Variants in JAZF1 observed in about 807,000 individuals in gnomAD.
The protein encoded by JAZF1 is juxtaposed with another zinc finger protein 1.
JAZF1 carries 8 observed loss-of-function variants against 26.4 expected under a neutral mutation model. The observed-to-expected ratio is 0.30, with a 90% CI of 0.18 to 0.55. The LOEUF is 0.55. Among genes scored for constraint, JAZF1 ranks in the 20% least tolerant of loss-of-function variants. The probability of loss-of-function intolerance (pLI) is 0.94; values close to 1 mark genes in which losing one functional copy is unlikely to be tolerated. For synonymous variants in JAZF1, 126 were observed against 122.3 expected (o/e 1.03, Z -0.20); for missense variants, 199 against 322.0 (o/e 0.62, Z 2.92).
At chr7:27,997,555 T>A (rs1786042128) in intron 1 of JAZF1, among the ~76,000 whole-genome samples, 1 of 152,140 alleles carries the variant, frequency 6.6e-6, no homozygotes, top group African/African-American at 2.4e-5. Flanking sequence ...TCCTAGCAGC[T>A]TTTTATTGCT....
chr7:28,015,314 T>C (rs896292367), intron 1 of JAZF1, among the ~76,000 whole-genome samples: 1 of 152,072 alleles, frequency 6.6e-6, no homozygotes, highest in Non-Finnish European at 1.5e-5. Flanking sequence ...TACAGGATCC[T>C]GGAACAGAAA....
At chr7:27,913,492 G>A (rs1054856000) in intron 2 of JAZF1, 4 of 362,730 alleles carry the variant, frequency 1.1e-5, no homozygotes, top group African/African-American at 2.3e-5. Flanking sequence ...GAGACCCCAC[G>A]TGAACAGAGC....
chr7:28,064,201 G>C (rs1040739822), intron 1 of JAZF1, among the ~76,000 whole-genome samples: 4 of 151,878 alleles, frequency 2.6e-5, no homozygotes, highest in Admixed American at 6.6e-5. Context: ...GGAACATCTG[G>C]CTATATATTT....
chr7:28,168,389 A>G (rs1348222074), intron 1 of JAZF1, among the ~76,000 whole-genome samples: 4 of 150,286 alleles, frequency 2.7e-5, no homozygotes, highest in African/African-American at 9.7e-5. Context: ...TCAAAAAAAA[A>G]AAAAAAAAAA....
chr7:27,929,983 T>TC (rs1784661973), intron 2 of JAZF1, among the ~76,000 whole-genome samples: 1 of 149,706 alleles, frequency 6.7e-6, no homozygotes, highest in African/African-American at 2.5e-5. Flanking sequence ...TCCCTCCCTC[T>TC]CTCTCTCTCT....
intron 1 of JAZF1, among the ~76,000 whole-genome samples, chr7:28,092,876 G>A (rs1209356155): frequency 1.3e-5 from 2 of 150,694 alleles, no homozygotes; most frequent in African/African-American, 4.9e-5. Flanking sequence ...AAAAAAGAAA[G>A]AAAGAAAAGA....
intron 2 of JAZF1, among the ~76,000 whole-genome samples, chr7:27,931,812 T>G (rs1784692900): frequency 6.6e-6 from 1 of 151,944 alleles, no homozygotes; most frequent in African/African-American, 2.4e-5. Context: ...GAGAATTGCT[T>G]GAACCTGGGA....
intron 2 of JAZF1, among the ~76,000 whole-genome samples, chr7:27,983,087 G>A (rs1021317660): frequency 2.6e-5 from 4 of 152,226 alleles, no homozygotes; most frequent in African/African-American, 9.6e-5. Context: ...AAAGCTGGAT[G>A]GAGAATGACT....
chr7:27,903,195 C>T (rs1442789844), intron 2 of JAZF1, among the ~76,000 whole-genome samples: 1 of 152,084 alleles, frequency 6.6e-6, no homozygotes, highest in South Asian at 2.1e-4. Flanking sequence ...GCCACCTTTA[C>T]TGATTCTGCA....
intron 1 of JAZF1, among the ~76,000 whole-genome samples, chr7:28,170,423 G>C (rs191886935): frequency 2.8e-4 from 42 of 148,586 alleles, no homozygotes; most frequent in Admixed American, 2.7e-3. Context: ...ATGTGTAGAG[G>C]GTTAGGTATT....
At chr7:27,936,408 G>A (rs962992185) in intron 2 of JAZF1, among the ~76,000 whole-genome samples, 1 of 152,160 alleles carries the variant, frequency 6.6e-6, no homozygotes, top group South Asian at 2.1e-4. Context: ...TTCCTCATAC[G>A]TGTCTATACC....
Position 28,171,369 on chromosome 7 carries a change from TG to T in JAZF1, c.115+9093del, listed in dbSNP as rs143296784. Reference sequence around the variant, plus strand: ...AACCTACAGAAATTAATTTCAAAGATGTTTTTCACTGTCCAAAGTTACCTTT... The same window carrying T: ...AACCTACAGAAATTAATTTCAAAGATTTTTTCACTGTCCAAAGTTACCTTT... On this transcript the variant is annotated intron_variant, in intron 1 of 4. Transcript: ENST00000283928. Among the ~76,000 whole-genome samples, 160 of 152,350 alleles carry T rather than the reference TG, an allele frequency of 1.1e-3. 1 individual carries two copies. The highest frequency in any genetic ancestry group is 3.7e-3 in the African/African-American group (154 of 41,574).
intron 1 of JAZF1, among the ~76,000 whole-genome samples, chr7:28,039,112 T>C (rs17156245): frequency 6.6e-6 from 1 of 152,156 alleles, no homozygotes; most frequent in African/African-American, 2.4e-5. Flanking sequence ...TTGCTCTGCA[T>C]ATGGAACGTA....
chr7:28,146,329 A>C (rs980456499), intron 1 of JAZF1, among the ~76,000 whole-genome samples: 4 of 152,210 alleles, frequency 2.6e-5, no homozygotes, highest in Non-Finnish European at 5.9e-5. Flanking sequence ...ATCAGTAAGT[A>C]TTTCCATTTA....
intron 1 of JAZF1, among the ~76,000 whole-genome samples, chr7:28,017,346 T>G: frequency 6.9e-6 from 1 of 145,488 alleles, no homozygotes; most frequent in Admixed American, 6.8e-5. Flanking sequence ...GAGACTCTGT[T>G]TCAGAAAAAA....
intron 3 of JAZF1, among the ~76,000 whole-genome samples, chr7:27,858,718 C>T (rs1295415985): frequency 6.6e-6 from 1 of 152,142 alleles, no homozygotes; most frequent in Non-Finnish European, 1.5e-5. Flanking sequence ...ACACCTTATA[C>T]AAAAATTAAC....
At chr7:27,896,525 A>G (rs1262823755) in intron 2 of JAZF1, among the ~76,000 whole-genome samples, 1 of 152,210 alleles carries the variant, frequency 6.6e-6, no homozygotes, top group Non-Finnish European at 1.5e-5. Context: ...CATCAATTAT[A>G]TTTTGACTAT....
At chr7:28,156,003 G>A (rs914342922) in intron 1 of JAZF1, among the ~76,000 whole-genome samples, 4 of 152,168 alleles carry the variant, frequency 2.6e-5, no homozygotes, top group African/African-American at 9.7e-5. Flanking sequence ...ACAGTAGCTG[G>A]TATGTACATA....
intron 1 of JAZF1, among the ~76,000 whole-genome samples, chr7:28,099,328 T>A (rs75307513): frequency 0.017 from 2,602 of 152,250 alleles, 77 homozygotes; most frequent in African/African-American, 0.06. Context: ...TTTCATTGTC[T>A]GTTCACAACT....
Sources: allele counts gnomAD v4.1 joint callset (sites outside exome capture counted in the v4.1 genomes callset), GRCh38; gene constraint gnomAD v4.1.1; transcripts MANE v1.5; gene names NCBI Gene and HGNC (gene_info 2026-07-23, HGNC 2026-07-21).